SLC22A3: variants seen among roughly 807,000 people sequenced by gnomAD.
SLC22A3 encodes the protein solute carrier family 22 member 3, also known as EMT organic cation transporter 3.
A neutral mutation model predicts 59.1 loss-of-function variants in SLC22A3; 51 were observed. The observed-to-expected ratio is 0.86, with a 90% CI of 0.69 to 1.09. SLC22A3 has a LOEUF of 1.09. Ranked by LOEUF, SLC22A3 falls within the 50% of genes least tolerant of loss-of-function variation. The pLI is 0.00. For missense variants in SLC22A3, 711 were observed against 726.3 expected (o/e 0.98, Z 0.24); for synonymous variants, 325 against 292.0 (o/e 1.11, Z -1.15).
chr6:160,400,228 T>C (rs952274508), intron 2 of SLC22A3, among the ~76,000 whole-genome samples: 5 of 151,456 alleles, frequency 3.3e-5, no homozygotes, highest in Admixed American at 6.6e-5. Flanking sequence ...TTCTTAACAA[T>C]GTCTGCCCTC....
At chr6:160,365,385 G>A (rs1342611933) in intron 1 of SLC22A3, among the ~76,000 whole-genome samples, 2 of 152,136 alleles carry the variant, frequency 1.3e-5, no homozygotes, top group African/African-American at 4.8e-5. Flanking sequence ...CTGACTTGAG[G>A]GCTGTTAGAT....
chr6:160,439,419 G>GATAT (rs368382225), intron 7 of SLC22A3, among the ~76,000 whole-genome samples: 4 of 151,510 alleles, frequency 2.6e-5, no homozygotes, highest in African/African-American at 7.3e-5. Flanking sequence ...CTCATTTCAT[G>GATAT]ATATATATAT....
intron 1 of SLC22A3, among the ~76,000 whole-genome samples, chr6:160,352,987 A>AT (rs1784711564): frequency 6.6e-6 from 1 of 152,032 alleles, no homozygotes; most frequent in Admixed American, 6.6e-5. Context: ...CGCCTGGCTA[A>AT]TTTTTGTATT....
At chr6:160,353,745 T>C (rs1784736445) in intron 1 of SLC22A3, among the ~76,000 whole-genome samples, 1 of 151,952 alleles carries the variant, frequency 6.6e-6, no homozygotes, top group African/African-American at 2.4e-5. Context: ...GTTCAGGAAT[T>C]TTCCTTTTTC....
chr6:160,411,966 A>C (rs193172682), intron 5 of SLC22A3, among the ~76,000 whole-genome samples: 5 of 152,358 alleles, frequency 3.3e-5, no homozygotes, highest in Admixed American at 1.3e-4. Flanking sequence ...GAATTTTTGG[A>C]TGATATGAAT....
intron 5 of SLC22A3, among the ~76,000 whole-genome samples, chr6:160,416,476 A>C (rs1005949896): frequency 6.6e-6 from 1 of 151,992 alleles, no homozygotes; most frequent in Non-Finnish European, 1.5e-5. Flanking sequence ...AAAAAAAAAA[A>C]ACAAATTATG....
chr6:160,444,071 CTAAAT>C (rs1305819641), intron 9 of SLC22A3, among the ~76,000 whole-genome samples: 1 of 152,052 alleles, frequency 6.6e-6, no homozygotes, highest in South Asian at 2.1e-4. Context: ...TTTCAGGGGA[CTAAAT>C]TAAATATTCA....
At chr6:160,420,893 G>A (rs1005241302) in intron 5 of SLC22A3, among the ~76,000 whole-genome samples, 2 of 152,202 alleles carry the variant, frequency 1.3e-5, no homozygotes, top group African/African-American at 4.8e-5. Flanking sequence ...AGCCGTTCCC[G>A]GGATTGGGGG....
At chr6:160,408,678 A>G (rs1306543623) in intron 3 of SLC22A3, 75 bp from the exon 4 acceptor site, 5 of 1,430,786 alleles carry the variant, frequency 3.5e-6, no homozygotes, top group Non-Finnish European at 4.9e-6. Flanking sequence ...AACAGGTGTA[A>G]CATCTCTGTA....
intron 1 of SLC22A3, among the ~76,000 whole-genome samples, chr6:160,364,442 T>C (rs539741887): frequency 2.0e-4 from 30 of 152,338 alleles, no homozygotes; most frequent in Admixed American, 1.9e-3. Context: ...GGTGCAGCGT[T>C]GACAATAACT....
In SLC22A3 at chr6:160,415,654, G is replaced by A. The variant is rs1787455440; in HGVS notation, c.975+4808G>A. Among the ~76,000 whole-genome samples the A allele has an allele frequency of 6.6e-6, 1 of 152,088 alleles. No homozygotes were observed. Among genetic ancestry groups the A allele is most frequent in the African/African-American group, 2.4e-5 (1 of 41,418 alleles). On this transcript the variant is annotated intron_variant, in intron 5 of 10. Transcript: ENST00000275300. This position sits in a 1 kb window ranked among gnomAD's most constrained non-coding sequence, Gnocchi z 4.1. ...CTGTGTAAATGACCTCATCCTTCAC[G>A]ACCTCTCTAATTCCCACCTCATTCT... is the stretch of plus-strand genomic sequence containing the variant.
At chr6:160,396,370 T>A (rs376402876) in intron 1 of SLC22A3, among the ~76,000 whole-genome samples, 1 of 152,176 alleles carries the variant, frequency 6.6e-6, no homozygotes, top group African/African-American at 2.4e-5. Context: ...ATTTTTTTCC[T>A]TAGAGCAGAA....
At chr6:160,440,826 G>C (rs1283202205) in intron 7 of SLC22A3, among the ~76,000 whole-genome samples, 1 of 152,070 alleles carries the variant, frequency 6.6e-6, no homozygotes, top group Non-Finnish European at 1.5e-5. Flanking sequence ...AGAGTTGGGA[G>C]TCTTTCAGAT....
intron 4 of SLC22A3, 91 bp downstream of exon 4, chr6:160,409,012 TTTC>T (rs1251964194): frequency 5.0e-5 from 51 of 1,025,806 alleles, no homozygotes; most frequent in East Asian, 8.1e-5. Flanking sequence ...TAAAGAAAAT[TTTC>T]TTTTTTTTTT....
intron 1 of SLC22A3, among the ~76,000 whole-genome samples, chr6:160,385,176 C>T (rs918245424): frequency 1.3e-5 from 2 of 152,162 alleles, no homozygotes; most frequent in African/African-American, 4.8e-5. Context: ...TTTTTAGTTA[C>T]TTCTTGTTTC....
rs1252321141 is a variant in SLC22A3 at position 160,408,895 on chromosome 6, C to T, written c.831C>T (p.Pro277=). 2 of 1,613,716 alleles carry T rather than the reference C, an allele frequency of 1.2e-6. No homozygotes were observed. The highest frequency in any genetic ancestry group is 2.7e-5 in the African/African-American group (2 of 74,966). The change falls in exon 4 of 11, where the codon CCC becomes CCT. Residue 277 remains proline (P), a synonymous_variant. Coordinates refer to ENST00000275300, the MANE Select transcript of SLC22A3 (RefSeq NM_021977.4). ...WQGIQLAITL[P]SFLFLLYYWV... ...GAATCCAGTTAGCCATCACGCTGCC[C>T]AGCTTTCTCTTCCTCCTTTATTACT...
intron 1 of SLC22A3, among the ~76,000 whole-genome samples, chr6:160,373,373 C>T (rs1583455284): frequency 6.6e-6 from 1 of 152,170 alleles, no homozygotes; most frequent in African/African-American, 2.4e-5. Context: ...GTTTCTTCCT[C>T]TGGAAGCTTT....
At chr6:160,361,545 G>A (rs993479697) in intron 1 of SLC22A3, among the ~76,000 whole-genome samples, 1 of 152,176 alleles carries the variant, frequency 6.6e-6, no homozygotes, top group African/African-American at 2.4e-5. Flanking sequence ...TGTTCACTGT[G>A]TGCTCAACAC....
At chr6:160,373,709 A>G (rs901989956) in intron 1 of SLC22A3, among the ~76,000 whole-genome samples, 3 of 152,148 alleles carry the variant, frequency 2.0e-5, no homozygotes, top group Admixed American at 6.5e-5. Context: ...CCCTGCCCAG[A>G]GAGGAGGAAT....
Sources: allele counts gnomAD v4.1 joint callset (sites outside exome capture counted in the v4.1 genomes callset), GRCh38; gene constraint gnomAD v4.1.1; non-coding constraint Gnocchi (gnomAD v3.1); transcripts MANE v1.5; gene names NCBI Gene and HGNC (gene_info 2026-07-23, HGNC 2026-07-21).